Variants in ARPP21 observed in about 807,000 individuals in gnomAD.
ARPP21 encodes the protein cAMP-regulated phosphoprotein 21.
Under a neutral mutation model 113.2 loss-of-function variants are expected in ARPP21, and 69 were observed. That is an observed-to-expected ratio of 0.61 (90% CI 0.50 to 0.74). ARPP21 has a LOEUF of 0.74. Among genes scored for constraint, ARPP21 ranks in the 30% least tolerant of loss-of-function variants. The probability of loss-of-function intolerance (pLI) is 0.00; values close to 1 mark genes in which losing one functional copy is unlikely to be tolerated. For synonymous variants in ARPP21, 368 were observed against 375.5 expected (o/e 0.98, Z 0.23); for missense variants, 1,070 against 1,037.4 (o/e 1.03, Z -0.43).
intron 1 of ARPP21, among the ~76,000 whole-genome samples, chr3:35,672,739 A>G (rs1260660500): frequency 6.6e-6 from 1 of 152,062 alleles, no homozygotes; most frequent in Admixed American, 6.6e-5. Context: ...TTAAAGAATG[A>G]TTCATCTGCT....
At chr3:35,673,918 A>T (rs1451158540) in intron 1 of ARPP21, among the ~76,000 whole-genome samples, 2 of 151,970 alleles carry the variant, frequency 1.3e-5, no homozygotes, top group Non-Finnish European at 2.9e-5. Context: ...TTTATAAAAA[A>T]TGCCTTTTTT....
chr3:35,663,666 T>G (rs142245050), intron 1 of ARPP21, among the ~76,000 whole-genome samples: 19 of 152,210 alleles, frequency 1.2e-4, no homozygotes, highest in African/African-American at 3.9e-4. Context: ...GAACATCTCT[T>G]AATAGCACTG....
chr3:35,704,656 T>A (rs564548759), intron 9 of ARPP21, among the ~76,000 whole-genome samples: 1 of 152,062 alleles, frequency 6.6e-6, no homozygotes, highest in Non-Finnish European at 1.5e-5. Flanking sequence ...ATCTTCTGAT[T>A]TATAATTATA....
chr3:35,686,129 C>T (rs895341358), intron 5 of ARPP21, among the ~76,000 whole-genome samples: 6 of 151,616 alleles, frequency 4.0e-5, no homozygotes, highest in Non-Finnish European at 7.4e-5. Context: ...AGATGACCTT[C>T]GTGGCCTGGG....
intron 19 of ARPP21, among the ~76,000 whole-genome samples, chr3:35,774,046 A>C (rs964156681): frequency 2.6e-5 from 4 of 152,180 alleles, no homozygotes; most frequent in Admixed American, 6.6e-5. Context: ...TGCTCAGTTA[A>C]GTGTTCCTTA....
chr3:35,657,064 T>G (rs1705310284), intron 1 of ARPP21, among the ~76,000 whole-genome samples: 2 of 152,114 alleles, frequency 1.3e-5, no homozygotes, highest in Admixed American at 1.3e-4. Context: ...AGTCCTTAAC[T>G]GTGTTACCCC....
chr3:35,650,214 C>G (rs1701861059), intron 1 of ARPP21: 1 of 152,072 alleles, frequency 6.6e-6, no homozygotes, highest in South Asian at 2.1e-4. Context: ...CCATGGAAGC[C>G]AAGTTAAGTA....
At chr3:35,670,110 A>G (rs1164574996) in intron 1 of ARPP21, among the ~76,000 whole-genome samples, 1 of 152,164 alleles carries the variant, frequency 6.6e-6, no homozygotes, top group African/African-American at 2.4e-5. Context: ...AGGTTCTAAT[A>G]ATTCACAGAG....
chr3:35,715,223 A>C, intron 11 of ARPP21: 21 of 467,602 alleles, frequency 4.5e-5, no homozygotes, highest in East Asian at 7.0e-5. Flanking sequence ...TAAAACCTGG[A>C]GACGTCCTGA....
chr3:35,722,072 T>C (rs2150319240), intron 14 of ARPP21, among the ~76,000 whole-genome samples: 1 of 152,308 alleles, frequency 6.6e-6, no homozygotes, highest in African/African-American at 2.4e-5. Flanking sequence ...GTAGGTTATA[T>C]AATGTTATTC....
intron 9 of ARPP21, among the ~76,000 whole-genome samples, chr3:35,692,632 T>C (rs1435837575): frequency 6.6e-6 from 1 of 151,694 alleles, no homozygotes; most frequent in Non-Finnish European, 1.5e-5. Context: ...TCATAAATAC[T>C]GGTACATATG....
chr3:35,728,027 C>A (rs1381772686), intron 14 of ARPP21, among the ~76,000 whole-genome samples: 2 of 151,972 alleles, frequency 1.3e-5, no homozygotes, highest in Admixed American at 6.6e-5. Flanking sequence ...TATTCTGTGT[C>A]ATTTAAAGGA....
chr3:35,751,866 G>A (rs2095415766), intron 19 of ARPP21, among the ~76,000 whole-genome samples: 1 of 152,068 alleles, frequency 6.6e-6, no homozygotes, highest in South Asian at 2.1e-4. Flanking sequence ...AGTCTACTCT[G>A]CCTATGTAAA....
rs2096796727 is a variant in ARPP21 at position 35,794,046 on chromosome 3, A to G, written c.*88A>G. 8.5e-7 allele frequency: 1 copy of G among 1,181,454 alleles called. No individual in the cohort carries two copies. The highest frequency in any genetic ancestry group is 2.6e-5 in the East Asian group (1 of 39,058). 73.2% of individuals were successfully genotyped at this position (1,181,454 alleles called of 1,614,324 possible). ...GGTGGGAAAACTGGCTGAGGACTTA[A>G]GTATTCACTCAACACTCAAATGATT... On this transcript the variant is annotated 3_prime_UTR_variant, in exon 21 of 21. Transcript: ENST00000684406.
At chr3:35,661,838 C>G (rs957143912) in intron 1 of ARPP21, among the ~76,000 whole-genome samples, 1 of 152,020 alleles carries the variant, frequency 6.6e-6, no homozygotes, top group African/African-American at 2.4e-5. Context: ...CAGTGACATA[C>G]CTGTTTCTGG....
intron 5 of ARPP21, among the ~76,000 whole-genome samples, chr3:35,687,516 A>G (rs2080989307): frequency 1.3e-5 from 2 of 151,440 alleles, no homozygotes; most frequent in Admixed American, 1.3e-4. Context: ...TCATAAGGCA[A>G]AGTTTTAGTA....
intron 1 of ARPP21, among the ~76,000 whole-genome samples, chr3:35,661,345 C>T (rs1303517633): frequency 1.3e-5 from 2 of 152,030 alleles, no homozygotes; most frequent in African/African-American, 4.8e-5. Context: ...TTCACCTCCT[C>T]CAGGCATATC....
At chr3:35,703,525 A>G (rs2087388467) in intron 9 of ARPP21, among the ~76,000 whole-genome samples, 1 of 151,962 alleles carries the variant, frequency 6.6e-6, no homozygotes, top group Admixed American at 6.6e-5. Context: ...ACATATTTTT[A>G]CCTTCAGAAG....
chr3:35,641,117 A>G (rs1449086966), intron 1 of ARPP21: 1 of 152,226 alleles, frequency 6.6e-6, no homozygotes, highest in Non-Finnish European at 1.5e-5. Context: ...AGGGGTGGGC[A>G]GTTATATTTC....
Sources: gnomAD v4.1 joint callset for allele counts (sites outside exome capture counted in the v4.1 genomes callset) on GRCh38, gnomAD v4.1.1 for gene constraint, MANE v1.5 for transcripts, NCBI Gene and HGNC (gene_info 2026-07-23, HGNC 2026-07-21) for gene names.